Variants in EIF2AK4 observed in about 807,000 individuals in gnomAD.
EIF2AK4 encodes the protein eIF-2-alpha kinase GCN2.
EIF2AK4 carries 139 observed loss-of-function variants against 211.1 expected under a neutral mutation model. The ratio of observed to expected loss-of-function variants is 0.66; its 90% CI spans 0.57 to 0.76. EIF2AK4 has a LOEUF of 0.76. Among genes scored for constraint, EIF2AK4 ranks in the 30% least tolerant of loss-of-function variants. The pLI is 0.00. For missense variants in EIF2AK4, 1,664 were observed against 2,043.8 expected (o/e 0.81, Z 3.58); for synonymous variants, 710 against 751.3 (o/e 0.94, Z 0.90).
In EIF2AK4 at chr15:39,973,443, GAA is replaced by G. The variant is rs1428374890; in HGVS notation, c.1661-146_1661-145del. 8 of 786,896 alleles carry G rather than the reference GAA, an allele frequency of 1.0e-5. No homozygotes were observed. In the East Asian group the frequency reaches 2.0e-4, roughly 20 times the overall value. 48.7% of individuals were successfully genotyped at this position (786,896 alleles called of 1,614,324 possible). A position where few individuals can be genotyped will look rare whatever the true frequency, so the allele number is the denominator to read the frequency against. On this transcript the variant is annotated intron_variant, in intron 10 of 38. Transcript: ENST00000263791. ...CCTACTTTAAGGAGGGCAAGGTGAG[GAA>G]AAGTTTTAAAAGGCCACTCAGGTAA...
intron 7 of EIF2AK4, 109 bp from the exon 8 acceptor site, chr15:39,965,577 C>T (rs929624024): frequency 6.8e-5 from 84 of 1,234,162 alleles, no homozygotes; most frequent in Admixed American, 2.5e-4. Context: ...CCATAGTTAG[C>T]GCATGGTATC....
chr15:39,937,046 A>C (rs72729456), intron 1 of EIF2AK4, among the ~76,000 whole-genome samples: 29,626 of 152,150 alleles, frequency 0.19, 3,283 homozygotes, highest in South Asian at 0.36. Context: ...TGCATGCTAA[A>C]AACTTTTGCA....
At chr15:39,996,932 G>A (rs2035025861) in intron 18 of EIF2AK4, 32 bp from the exon 19 acceptor site, 9 of 1,417,066 alleles carry the variant, frequency 6.4e-6, no homozygotes, top group African/African-American at 1.4e-5. Context: ...TCATATCAAG[G>A]CTCTCTAAAT....
chr15:39,961,694 C>G, intron 6 of EIF2AK4, 90 bp from the exon 7 acceptor site: 1 of 986,206 alleles, frequency 1.0e-6, no homozygotes, highest in South Asian at 1.6e-5. Context: ...GGCATTCTTG[C>G]CTATGTTAAT....
At chr15:39,934,647 C>A (rs2034036880) in intron 1 of EIF2AK4, among the ~76,000 whole-genome samples, 1 of 152,200 alleles carries the variant, frequency 6.6e-6, no homozygotes, top group Admixed American at 6.5e-5. Flanking sequence ...CTCCTTCCAA[C>A]CTTGTCCTTT....
intron 13 of EIF2AK4, among the ~76,000 whole-genome samples, chr15:39,981,000 C>G (rs1359065074): frequency 6.6e-6 from 1 of 152,206 alleles, no homozygotes; most frequent in African/African-American, 2.4e-5. Flanking sequence ...GTGTGTTTTT[C>G]TATAAGTACT....
chr15:39,943,929 T>C (rs2034185088), intron 3 of EIF2AK4, among the ~76,000 whole-genome samples: 1 of 151,980 alleles, frequency 6.6e-6, no homozygotes, highest in Admixed American at 6.6e-5. Context: ...CACTCCAGCC[T>C]GGGCCATAGA....
chr15:39,970,735 T>C (rs999278717), intron 9 of EIF2AK4, among the ~76,000 whole-genome samples: 1 of 152,122 alleles, frequency 6.6e-6, no homozygotes, highest in Non-Finnish European at 1.5e-5. Context: ...AAGAAAGAAT[T>C]GGAAGGGGAG....
chr15:39,952,099 C>T (rs1260229290), intron 4 of EIF2AK4, among the ~76,000 whole-genome samples: 1 of 152,134 alleles, frequency 6.6e-6, no homozygotes, highest in Non-Finnish European at 1.5e-5. Flanking sequence ...TTTATTCTTA[C>T]AGAAGATGTA....
intron 9 of EIF2AK4, among the ~76,000 whole-genome samples, chr15:39,969,356 C>CTTTTTTTTTTT (rs10550245): frequency 3.9e-5 from 4 of 101,306 alleles, no homozygotes; most frequent in Non-Finnish European, 5.7e-5. Flanking sequence ...ATTTCTTATT[C>CTTTTTTTTTTT]TTTTTTTTTT....
intron 12 of EIF2AK4, chr15:39,977,637 A>G (rs1200126818): frequency 1.3e-5 from 2 of 152,714 alleles, no homozygotes; most frequent in African/African-American, 4.8e-5. Context: ...AATTTCTCAT[A>G]GGACATTCCT....
chr15:39,990,158 C>A, intron 15 of EIF2AK4, 115 bp from the exon 16 acceptor site: 2 of 935,906 alleles, frequency 2.1e-6, no homozygotes, highest in South Asian at 3.0e-5. Flanking sequence ...CCAGGGTGGT[C>A]TGTGGGAGAA....
intron 14 of EIF2AK4, among the ~76,000 whole-genome samples, chr15:39,986,299 A>G (rs1324903875): frequency 6.6e-6 from 1 of 152,278 alleles, no homozygotes. Flanking sequence ...GCTAGACTGC[A>G]TGAGCACAGA....
intron 27 of EIF2AK4, among the ~76,000 whole-genome samples, chr15:40,015,886 T>C (rs567163176): frequency 2.0e-5 from 3 of 152,322 alleles, no homozygotes; most frequent in Admixed American, 1.3e-4. Flanking sequence ...TCCAGCTGAG[T>C]ACCAGGGACT....
At chr15:40,007,393 G>A (rs2035175941) in intron 24 of EIF2AK4, among the ~76,000 whole-genome samples, 1 of 152,282 alleles carries the variant, frequency 6.6e-6, no homozygotes, top group South Asian at 2.1e-4. Flanking sequence ...GATCACAGAT[G>A]GCCCCTTTTA....
intron 13 of EIF2AK4, among the ~76,000 whole-genome samples, chr15:39,980,983 T>A (rs2034774721): frequency 6.6e-6 from 1 of 152,226 alleles, no homozygotes; most frequent in African/African-American, 2.4e-5. Context: ...GATCTGAGTA[T>A]TAGCCAGTGT....
In EIF2AK4 at chr15:40,017,551, A is replaced by ATATATATACATG. The variant is rs71132134; in HGVS notation, c.4065+312_4065+313insATATACATGTAT. 2.0e-4 allele frequency among the ~76,000 whole-genome samples: 17 copies of ATATATATACATG among 87,092 alleles called. 1 individual carries two copies. Among genetic ancestry groups the ATATATATACATG allele is most frequent in the African/African-American group, 7.1e-4 (16 of 22,390 alleles). The allele number at this position is 87,092 out of a possible 152,430, so 57.1% of individuals were successfully genotyped here. A position where few individuals can be genotyped will look rare whatever the true frequency, so the allele number is the denominator to read the frequency against. On this transcript the variant is annotated intron_variant, in intron 29 of 38. Transcript: ENST00000263791. ...TATATATATATATATATATATATAT[A>ATATATATACATG]TATGTATTTTGGAGACAGGGCCTTG...
chr15:39,962,361 C>CA (rs796601934), intron 7 of EIF2AK4, among the ~76,000 whole-genome samples: 1 of 152,086 alleles, frequency 6.6e-6, no homozygotes, highest in Non-Finnish European at 1.5e-5. Flanking sequence ...CTTATTGAAA[C>CA]AAAAAAATGA....
At chr15:40,015,726 G>C (rs1045841630) in intron 27 of EIF2AK4, among the ~76,000 whole-genome samples, 8 of 152,180 alleles carry the variant, frequency 5.3e-5, no homozygotes, top group Non-Finnish European at 1.0e-4. Flanking sequence ...CCTTCATTTA[G>C]CCCTTAGGTT....
Sources: allele counts gnomAD v4.1 joint callset (sites outside exome capture counted in the v4.1 genomes callset), GRCh38; gene constraint gnomAD v4.1.1; transcripts MANE v1.5; gene names NCBI Gene and HGNC (gene_info 2026-07-23, HGNC 2026-07-21).